The following ZBBX variants were observed in gnomAD, a reference collection of about 807,000 sequenced individuals.
ZBBX encodes the protein zinc finger B-box domain-containing protein 1.
A neutral mutation model predicts 108.5 loss-of-function variants in ZBBX; 101 were observed. The observed-to-expected ratio is 0.93, with a 90% CI of 0.79 to 1.10. The LOEUF (loss-of-function observed/expected upper bound fraction) is 1.10, where lower values mean the gene tolerates loss of function less well. Ranked by LOEUF, ZBBX falls within the 50% of genes least tolerant of loss-of-function variation. The probability of loss-of-function intolerance (pLI) is 0.00; values close to 1 mark genes in which losing one functional copy is unlikely to be tolerated. For missense variants in ZBBX, 1,009 were observed against 941.4 expected, an observed-to-expected ratio of 1.07 and a Z score of -0.94; for synonymous variants, 356 against 323.4, an observed-to-expected ratio of 1.10 and a Z score of -1.08.
chr3:167,189,996 T>A, the ZBBX span, among the ~76,000 whole-genome samples: 1 of 152,206 alleles, frequency 6.6e-6, no homozygotes, highest in African/African-American at 2.4e-5. Context: ...GCTACCTTAC[T>A]TTTTCATAAT....
chr3:167,266,274 G>A (rs1415190962), intron 20 of ZBBX, among the ~76,000 whole-genome samples: 1 of 151,912 alleles, frequency 6.6e-6, no homozygotes, highest in Non-Finnish European at 1.5e-5. Flanking sequence ...ACTTTTTTTG[G>A]TCTACAAAAG....
At chr3:167,266,314 T>C (rs1414353095) in intron 20 of ZBBX, among the ~76,000 whole-genome samples, 3 of 152,240 alleles carry the variant, frequency 2.0e-5, no homozygotes, top group African/African-American at 7.2e-5. Context: ...TAAGATACAA[T>C]GAATCTTTGT....
intron 1 of ZBBX, among the ~76,000 whole-genome samples, chr3:167,391,227 C>T (rs918984018): frequency 3.9e-5 from 6 of 152,066 alleles, no homozygotes; most frequent in Admixed American, 1.3e-4. Flanking sequence ...GCCTTTTCTG[C>T]GTCTATTGAC....
chr3:167,245,862 T>C (rs961103828), intron 20 of ZBBX, among the ~76,000 whole-genome samples: 4 of 152,240 alleles, frequency 2.6e-5, no homozygotes, highest in Non-Finnish European at 1.5e-5. Context: ...AAGTTATTTC[T>C]TATAGCAGTG....
At position 167,350,217 on chromosome 3, in the gene ZBBX, A is replaced by C. The variant is rs1207164952; in HGVS notation, c.528+203T>G. Among the ~76,000 whole-genome samples the C allele has an allele frequency of 2.0e-5, 3 of 152,190 alleles. No individual in the cohort carries two copies. In the East Asian group the frequency reaches 5.8e-4, roughly 29 times the overall value. ...AAGCTGTTTCTGCAACTACGTTAAAACAGTTTAAATAGTAAAATAGAGTCT... is the reference window on the plus strand; with the variant it reads ...AAGCTGTTTCTGCAACTACGTTAAACCAGTTTAAATAGTAAAATAGAGTCT... On this transcript the variant is annotated intron_variant, in intron 9 of 21. Coordinates refer to ENST00000675490, the MANE Select transcript of ZBBX (RefSeq NM_001199201.2).
intron 8 of ZBBX, among the ~76,000 whole-genome samples, chr3:167,358,523 T>A (rs1300737525): frequency 1.3e-5 from 2 of 152,162 alleles, no homozygotes; most frequent in African/African-American, 4.8e-5. Flanking sequence ...ACATTTTATG[T>A]TATATGTATT....
the ZBBX span, among the ~76,000 whole-genome samples, chr3:167,199,293 G>A: frequency 6.6e-6 from 1 of 152,122 alleles, no homozygotes; most frequent in South Asian, 2.1e-4. Flanking sequence ...TCACTGCAAA[G>A]GCATGAACTT....
intron 8 of ZBBX, among the ~76,000 whole-genome samples, chr3:167,355,135 T>G (rs1240987075): frequency 1.3e-5 from 2 of 152,014 alleles, no homozygotes; most frequent in Non-Finnish European, 2.9e-5. Flanking sequence ...AGAATCCATT[T>G]GAGTTTAATT....
At chr3:167,232,580 C>G in the ZBBX span, among the ~76,000 whole-genome samples, 3 of 151,756 alleles carry the variant, frequency 2.0e-5, no homozygotes, top group African/African-American at 7.3e-5. Flanking sequence ...GGATGTCAGA[C>G]AAGTTGAGAA....
At chr3:167,298,900 T>C (rs539386663) in intron 17 of ZBBX, among the ~76,000 whole-genome samples, 1 of 151,560 alleles carries the variant, frequency 6.6e-6, no homozygotes, top group South Asian at 2.1e-4. Context: ...GAAAAAAAAA[T>C]GTAAGTTAAC....
the ZBBX span, among the ~76,000 whole-genome samples, chr3:167,213,540 G>T: frequency 3.4e-4 from 51 of 152,234 alleles, no homozygotes; most frequent in African/African-American, 1.2e-3. Context: ...CAATTATGGG[G>T]TTTCATAAAG....
At chr3:167,217,517 G>A in the ZBBX span, among the ~76,000 whole-genome samples, 7 of 152,206 alleles carry the variant, frequency 4.6e-5, no homozygotes, top group East Asian at 1.4e-3. Flanking sequence ...CACAGTAGGA[G>A]TGTAAATTAG....
chr3:167,369,992 A>T (rs1745910389), intron 4 of ZBBX, among the ~76,000 whole-genome samples: 1 of 152,250 alleles, frequency 6.6e-6, no homozygotes, highest in African/African-American at 2.4e-5. Flanking sequence ...GGATAGGATC[A>T]TGAAGAGCCT....
At chr3:167,318,604 G>T in intron 12 of ZBBX, among the ~76,000 whole-genome samples, 1 of 151,906 alleles carries the variant, frequency 6.6e-6, no homozygotes, top group East Asian at 1.9e-4. Context: ...TGATAAAATT[G>T]ACAAGTGACT....
At chr3:167,404,646 AC>A in intron 1 of ZBBX, among the ~76,000 whole-genome samples, 1 of 152,328 alleles carries the variant, frequency 6.6e-6, no homozygotes, top group East Asian at 1.9e-4. Context: ...ATTTCATTAT[AC>A]AAATGTAAGT....
the ZBBX span, among the ~76,000 whole-genome samples, chr3:167,180,051 A>G: frequency 6.6e-6 from 1 of 151,818 alleles, no homozygotes; most frequent in Admixed American, 6.6e-5. Flanking sequence ...AAGAAGTCAA[A>G]GTCTGTGAAT....
intron 20 of ZBBX, among the ~76,000 whole-genome samples, chr3:167,261,596 T>G (rs1724538477): frequency 6.6e-6 from 1 of 151,708 alleles, no homozygotes; most frequent in Admixed American, 6.6e-5. Flanking sequence ...TCATGCAGGT[T>G]GTCAGGGAAG....
At chr3:167,301,807 G>A (rs115880224) in intron 17 of ZBBX, among the ~76,000 whole-genome samples, 2,122 of 151,710 alleles carry the variant, frequency 0.014, 26 homozygotes, top group South Asian at 0.026. Flanking sequence ...AATACAAAAC[G>A]TTAGCCAGGC....
At chr3:167,254,903 T>TGAGAGAGAGAGAGAGAGAATGA (rs1299675199) in intron 20 of ZBBX, among the ~76,000 whole-genome samples, 11 of 146,076 alleles carry the variant, frequency 7.5e-5, no homozygotes, top group South Asian at 4.4e-4. Flanking sequence ...AGAGAGAGAA[T>TGAGAGAGAGAGAGAGAGAATGA]GAGAGAGAGA....
Sources: gnomAD v4.1 joint callset for allele counts (sites outside exome capture counted in the v4.1 genomes callset) on GRCh38, gnomAD v4.1.1 for gene constraint, MANE v1.5 for transcripts, NCBI Gene and HGNC (gene_info 2026-07-23, HGNC 2026-07-21) for gene names.